The following FAM111B variants were observed in gnomAD, a reference collection of about 807,000 sequenced individuals.
FAM111B encodes the protein FAM111 trypsin like peptidase B.
In FAM111B, 1 loss-of-function variant was observed where a neutral mutation model predicts 2.8. The ratio of observed to expected loss-of-function variants is 0.36; its 90% CI spans 0.13 to 1.70. FAM111B has a LOEUF of 1.70. Among genes scored for constraint, FAM111B ranks in the 40% most tolerant of loss-of-function variants. The pLI is 0.35. For synonymous variants in FAM111B, 297 were observed against 295.6 expected (o/e 1.00, Z -0.05); for missense variants, 882 against 878.9 (o/e 1.00, Z -0.04).
At chr11:59,122,404 A>T (rs1055106147) in intron 3 of FAM111B, among the ~76,000 whole-genome samples, 10 of 152,206 alleles carry the variant, frequency 6.6e-5, no homozygotes, top group African/African-American at 2.4e-4. Context: ...AATGATTTGT[A>T]GTGTGCTATT....
intron 3 of FAM111B, among the ~76,000 whole-genome samples, chr11:59,119,072 G>A (rs1029166550): frequency 6.6e-6 from 1 of 152,182 alleles, no homozygotes; most frequent in Admixed American, 6.5e-5. Flanking sequence ...GGTGGGAACA[G>A]CAACTATTCC....
intron 3 of FAM111B, among the ~76,000 whole-genome samples, chr11:59,119,336 C>A (rs1256967144): frequency 6.6e-6 from 1 of 152,216 alleles, no homozygotes; most frequent in East Asian, 1.9e-4. Flanking sequence ...TGGCCTAGAA[C>A]CTCTTTTCAG....
intron 3 of FAM111B, among the ~76,000 whole-genome samples, chr11:59,110,833 G>C (rs534283798): frequency 1.1e-4 from 17 of 152,278 alleles, no homozygotes; most frequent in African/African-American, 3.8e-4. Context: ...TTTATAAGGA[G>C]AATTCAAGAA....
At chr11:59,113,760 GTA>G in intron 3 of FAM111B, among the ~76,000 whole-genome samples, 1 of 152,334 alleles carries the variant, frequency 6.6e-6, no homozygotes, top group East Asian at 1.9e-4. Flanking sequence ...TGGGACTTAT[GTA>G]TGCCAGATGC....
Position 59,124,159 on chromosome 11 carries a change from T to C in FAM111B, c.82-20T>C. 6.4e-7 allele frequency: 1 copy of C among 1,561,152 alleles called. No homozygotes were observed. Among genetic ancestry groups the C allele is most frequent in the South Asian group, 1.2e-5 (1 of 82,416 alleles). ...ATTAAAGGTGATTCTTGTTAACCTC[T>C]TTAATCTTTCCTTTTTAAGGATACT... On this transcript the variant is annotated intron_variant, in intron 3 of 3. Transcript: ENST00000343597.
In FAM111B at chr11:59,126,552, GCA is replaced by G. The variant is rs1860039407; in HGVS notation, c.*251_*252del. Reference sequence around the variant, plus strand: ...ATTAGGAACTTAAACAGATTAACAAGCAAAAAAAACAAGCAACCCCATTAAAA... The same window carrying G: ...ATTAGGAACTTAAACAGATTAACAAGAAAAAAACAAGCAACCCCATTAAAA... On this transcript the variant is annotated 3_prime_UTR_variant, in exon 4 of 4. Transcript: ENST00000343597. 3.2e-6 allele frequency: 1 copy of G among 316,850 alleles called. No homozygotes were observed. The highest frequency in any genetic ancestry group is 5.7e-6 in the Non-Finnish European group (1 of 175,636). 19.6% of individuals were successfully genotyped at this position (316,850 alleles called of 1,614,324 possible).
At chr11:59,120,342 G>A (rs1359500471) in intron 3 of FAM111B, among the ~76,000 whole-genome samples, 1 of 152,168 alleles carries the variant, frequency 6.6e-6, no homozygotes, top group Non-Finnish European at 1.5e-5. Flanking sequence ...GTGAATCTTT[G>A]CGTCCCCCAC....
chr11:59,123,328 T>A (rs186024160), intron 3 of FAM111B, among the ~76,000 whole-genome samples: 1 of 152,284 alleles, frequency 6.6e-6, no homozygotes, highest in East Asian at 1.9e-4. Flanking sequence ...TGGCAAATAT[T>A]TAAAATAGTA....
Position 59,124,209 on chromosome 11 carries a change from A to C in FAM111B, c.112A>C (p.Thr38Pro). ...DTVMKQTHAD[T>P]PVDHCLSGIR... ...TGTCATGAAGCAGACACATGCTGAC[A>C]CACCTGTTGATCATTGTCTATCTGG... Residue 38 changes from threonine (T) to proline (P), a missense_variant, in exon 4 of 4, where the codon ACA (threonine) becomes CCA (proline). Physicochemically the swap from Thr to Pro is conservative, Grantham distance 38. Coordinates refer to ENST00000343597, the MANE Select transcript of FAM111B (RefSeq NM_198947.4). 6.2e-7 allele frequency: 1 copy of C among 1,613,142 alleles called. No individual in the cohort carries two copies. Among genetic ancestry groups the C allele is most frequent in the Non-Finnish European group, 8.5e-7 (1 of 1,179,344 alleles).
Position 59,124,916 on chromosome 11 carries a change from AT to A in FAM111B, c.821del (p.Leu274TyrfsTer25). The A allele has an allele frequency of 6.2e-7, 1 of 1,600,364 alleles. No homozygotes were observed. The highest frequency in any genetic ancestry group is 8.5e-7 in the Non-Finnish European group (1 of 1,176,312). On this transcript the variant is annotated frameshift_variant, in exon 4 of 4. Coordinates refer to ENST00000343597, the MANE Select transcript of FAM111B (RefSeq NM_198947.4). LOFTEE classifies it low-confidence loss of function (END_TRUNC). ...LEMDISKKKA[L>X]QQKDIHKKIK... ...AAATGGACATTTCAAAAAAAAAAGCATTACAACAGAAAGATATCCATAAAAA... is the reference window on the plus strand; with the variant it reads ...AAATGGACATTTCAAAAAAAAAAGCATACAACAGAAAGATATCCATAAAAA...
In FAM111B at chr11:59,114,798, T is replaced by C. The variant is rs563494714; in HGVS notation, c.81+5092T>C. Among the ~76,000 whole-genome samples, 8 of 151,906 alleles carry C rather than the reference T, an allele frequency of 5.3e-5. No homozygotes were observed. The East Asian group carries it at 5.8e-4, about 11-fold the overall frequency. On this transcript the variant is annotated intron_variant, in intron 3 of 3. Transcript: ENST00000343597. ...TGTAGAGGGAGAAAGGAAAAATAAA[T>C]TGTGTGTGTTTGTGTGTGTGCATGC...
In FAM111B at chr11:59,126,184, A is replaced by G; in HGVS notation, c.2087A>G (p.Lys696Arg). The part of the protein sequence containing the change: ...SMDSILCDIK[K>R]TNESLYKSLN... ...GATTCTATTCTTTGTGATATTAAAA[A>G]GACAAATGAGAGCTTGTATAAATCA... The change falls in exon 4 of 4, where the codon AAG becomes AGG. Residue 696 changes from lysine to arginine, a missense_variant. Physicochemically the swap from Lys to Arg is conservative, Grantham distance 26. Transcript: ENST00000343597. The G allele has an allele frequency of 6.2e-7, 1 of 1,611,638 alleles. No homozygotes were observed. Among genetic ancestry groups the G allele is most frequent in the Non-Finnish European group, 8.5e-7 (1 of 1,179,240 alleles).
Position 59,125,656 on chromosome 11 carries a change from C to G in FAM111B, c.1559C>G (p.Thr520Arg), listed in dbSNP as rs1268117490. 1.2e-6 allele frequency: 2 copies of G among 1,613,814 alleles called. No homozygotes were observed. The highest frequency in any genetic ancestry group is 2.7e-5 in the African/African-American group (2 of 74,918). The change falls in exon 4 of 4, where the codon ACA (threonine) becomes AGA (arginine). Residue 520 changes from threonine to arginine, a missense_variant. By Grantham distance (71) the Thr-to-Arg change is moderately conservative. Transcript: ENST00000343597. ...TGTGCGAAGGTAACCTTCACTTATACAGAGTTCTGCCCTACTCCTGACAAT... is the reference window on the plus strand; with the variant it reads ...TGTGCGAAGGTAACCTTCACTTATAGAGAGTTCTGCCCTACTCCTGACAAT... ...SKCAKVTFTY[T>R]EFCPTPDNWF...
chr11:59,115,119 A>G (rs187735715), intron 3 of FAM111B, among the ~76,000 whole-genome samples: 2 of 152,266 alleles, frequency 1.3e-5, no homozygotes, highest in East Asian at 3.9e-4. Flanking sequence ...TCTAAGGAAC[A>G]TGCCTGGGTT....
chr11:59,124,069 A>T (rs1859965355), intron 3 of FAM111B, 110 bp from the exon 4 acceptor site: 1 of 652,586 alleles, frequency 1.5e-6, no homozygotes, highest in Non-Finnish European at 2.4e-6. Flanking sequence ...TTCGTTAACC[A>T]TTATATTATC....
chr11:59,126,284 T>C lies in FAM111B; in HGVS notation c.2187T>C (p.Ile729=). The change falls in exon 4 of 4, where the codon ATT becomes ATC. Residue 729 remains isoleucine, a synonymous_variant. Transcript: ENST00000343597. ...AGTCATCACTTCAAGATCATCAGAT[T>C]GAACCCATGGAATGTTAGAAAAGAG... The part of the protein sequence containing the change: ...KQESSLQDHQ[I]EPMEC 6.5e-7 allele frequency: 1 copy of C among 1,542,172 alleles called. No homozygotes were observed. Among genetic ancestry groups the C allele is most frequent in the African/African-American group, 1.4e-5 (1 of 72,086 alleles).
chr11:59,116,149 A>G (rs557662150), intron 3 of FAM111B, among the ~76,000 whole-genome samples: 2 of 152,234 alleles, frequency 1.3e-5, no homozygotes, highest in African/African-American at 4.8e-5. Context: ...GAATCTTAGA[A>G]TCTCTACTCA....
At chr11:59,111,370 CT>C (rs1024997315) in intron 3 of FAM111B, among the ~76,000 whole-genome samples, 20 of 151,912 alleles carry the variant, frequency 1.3e-4, no homozygotes, top group Non-Finnish European at 2.4e-4. Flanking sequence ...GCTGCAGTAT[CT>C]TTTTTTTCTT....
chr11:59,113,675 A>G (rs1859796056), intron 3 of FAM111B, among the ~76,000 whole-genome samples: 1 of 152,178 alleles, frequency 6.6e-6, no homozygotes. Context: ...CTCTGCACAG[A>G]TGGAGTCACG....
Sources: gnomAD v4.1 joint callset for allele counts (sites outside exome capture counted in the v4.1 genomes callset) on GRCh38, gnomAD v4.1.1 for gene constraint, MANE v1.5 for transcripts, NCBI Gene and HGNC (gene_info 2026-07-23, HGNC 2026-07-21) for gene names.